Variants in LIFR observed in about 807,000 individuals in gnomAD.
The protein encoded by LIFR is leukemia inhibitory factor receptor.
A neutral mutation model predicts 122.2 loss-of-function variants in LIFR; 84 were observed. That is an observed-to-expected ratio of 0.69 (90% confidence interval 0.58 to 0.82). LIFR has a LOEUF of 0.82. Among genes scored for constraint, LIFR ranks in the 40% least tolerant of loss-of-function variants. The pLI, the probability that LIFR is intolerant of heterozygous loss-of-function variation, is 0.00. For synonymous variants in LIFR, 422 were observed against 434.7 expected, an observed-to-expected ratio of 0.97 and a Z score of 0.36; for missense variants, 1,294 against 1,311.6, an observed-to-expected ratio of 0.99 and a Z score of 0.21.
upstream of LIFR, among the ~76,000 whole-genome samples, chr5:38,598,653 C>T (rs1750167948): frequency 6.6e-6 from 1 of 152,096 alleles, no homozygotes; most frequent in Non-Finnish European, 1.5e-5. Context: ...CCCCTGACAC[C>T]CCTCAAGTGG....
At chr5:38,495,538 A>G (rs988414619) in intron 13 of LIFR, among the ~76,000 whole-genome samples, 6 of 152,200 alleles carry the variant, frequency 3.9e-5, no homozygotes, top group African/African-American at 1.4e-4. Context: ...CAAAGAGAAC[A>G]AAGATGCAGT....
chr5:38,588,974 T>C (rs563868434), intron 1 of LIFR, among the ~76,000 whole-genome samples: 1 of 151,204 alleles, frequency 6.6e-6, no homozygotes, highest in East Asian at 2.0e-4. Context: ...ATTGTACTTC[T>C]ACTTTGAAGA....
chr5:38,539,877 C>A (rs963403287), intron 1 of LIFR, among the ~76,000 whole-genome samples: 31 of 152,230 alleles, frequency 2.0e-4, no homozygotes, highest in African/African-American at 6.5e-4. Flanking sequence ...AGCCACTTTT[C>A]TAAGTTCTTT....
intron 5 of LIFR, among the ~76,000 whole-genome samples, 166 bp from the exon 6 acceptor site, chr5:38,512,130 A>T (rs1288087151): frequency 6.6e-6 from 1 of 152,212 alleles, no homozygotes; most frequent in African/African-American, 2.4e-5. Flanking sequence ...GAGTAACAAT[A>T]ATCATGATTC....
At chr5:38,527,128 A>C (rs771137505) in intron 4 of LIFR, 27 bp downstream of exon 4, 2 of 1,567,480 alleles carry the variant, frequency 1.3e-6, no homozygotes, top group Non-Finnish European at 1.7e-6. Flanking sequence ...ACTTACTTTA[A>C]AATTGAGTTT....
At chr5:38,579,709 T>C (rs1749521100) in intron 1 of LIFR, 1 of 152,234 alleles carries the variant, frequency 6.6e-6, no homozygotes, top group South Asian at 2.1e-4. Flanking sequence ...GACAAAATAC[T>C]GCAACACTTT....
At chr5:38,586,850 A>G (rs538171540) in intron 1 of LIFR, among the ~76,000 whole-genome samples, 15 of 152,264 alleles carry the variant, frequency 9.9e-5, no homozygotes, top group Middle Eastern at 6.8e-3. Context: ...TTTCAGATGA[A>G]TGGGTGCAAA....
At chr5:38,579,500 A>T (rs945865643) in intron 1 of LIFR, 1 of 152,216 alleles carries the variant, frequency 6.6e-6, no homozygotes, top group African/African-American at 2.4e-5. Flanking sequence ...AGGAACTCCT[A>T]CATAATACCC....
intron 1 of LIFR, among the ~76,000 whole-genome samples, chr5:38,532,814 T>C (rs941788176): frequency 6.6e-6 from 1 of 152,204 alleles, no homozygotes; most frequent in African/African-American, 2.4e-5. Context: ...AAGTGATGCT[T>C]GTGAAGCTTT....
chr5:38,528,613 A>G, intron 3 of LIFR, 113 bp downstream of exon 3: 3 of 755,552 alleles, frequency 4.0e-6, no homozygotes, highest in Non-Finnish European at 7.1e-6. Context: ...TCTGCTGGAC[A>G]CAGAACACAA....
In LIFR at chr5:38,522,286, C is replaced by T. The variant is rs1042494019; in HGVS notation, c.561+1133G>A. 3.3e-5 allele frequency among the ~76,000 whole-genome samples: 5 copies of T among 152,170 alleles called. No homozygotes were observed. In the East Asian group the frequency reaches 9.6e-4, roughly 29 times the overall value. ...ATGGAATGCACTTTAGCAGTGGAGC[C>T]ACTGCTGGTGTTCTGCTGGCTGCCT... On this transcript the variant is annotated intron_variant, in intron 5 of 19. Coordinates refer to ENST00000453190, the MANE Select transcript of LIFR (RefSeq NM_001127671.2).
intron 1 of LIFR, among the ~76,000 whole-genome samples, chr5:38,553,792 T>C (rs908385274): frequency 6.6e-6 from 1 of 150,812 alleles, no homozygotes; most frequent in Non-Finnish European, 1.5e-5. Flanking sequence ...AGCTTTATAA[T>C]GTATTAGGCT....
Position 38,492,480 on chromosome 5 carries a change from G to A in LIFR, c.2065+1126C>T, listed in dbSNP as rs1291663032. Among the ~76,000 whole-genome samples the A allele has an allele frequency of 3.3e-5, 5 of 152,308 alleles. No individual in the cohort carries two copies. The East Asian group carries it at 9.7e-4, about 29-fold the overall frequency. ...GGGAGGGGATGGAAGGGAAGGTGCA[G>A]GAAAAGAAGGGTAGCATGTGGCTGG... is the stretch of plus-strand genomic sequence containing the variant. On this transcript the variant is annotated intron_variant, in intron 14 of 19. Coordinates refer to ENST00000453190, the MANE Select transcript of LIFR (RefSeq NM_001127671.2).
At chr5:38,605,282 C>T (rs906326992) in intron 2 of LIFR, among the ~76,000 whole-genome samples, 1 of 152,118 alleles carries the variant, frequency 6.6e-6, no homozygotes, top group Non-Finnish European at 1.5e-5. Flanking sequence ...TCCCATTTTG[C>T]ATAGAGGCAG....
chr5:38,590,443 C>T (rs1214457696), intron 1 of LIFR, among the ~76,000 whole-genome samples: 1 of 152,170 alleles, frequency 6.6e-6, no homozygotes, highest in Non-Finnish European at 1.5e-5. Flanking sequence ...TTGACACTGC[C>T]TCTGTTGTCT....
chr5:38,562,305 C>T (rs758193690), intron 1 of LIFR, among the ~76,000 whole-genome samples: 4 of 152,196 alleles, frequency 2.6e-5, no homozygotes, highest in Non-Finnish European at 5.9e-5. Context: ...CACTTCTTAG[C>T]CATTGAGCCT....
intron 13 of LIFR, among the ~76,000 whole-genome samples, chr5:38,494,152 C>T (rs575826470): frequency 2.0e-5 from 3 of 152,294 alleles, no homozygotes; most frequent in East Asian, 1.9e-4. Flanking sequence ...GGACAGTGGA[C>T]AGTCTGAAGC....
At chr5:38,578,256 G>T (rs1749460267) in intron 1 of LIFR, among the ~76,000 whole-genome samples, 1 of 135,296 alleles carries the variant, frequency 7.4e-6, no homozygotes, top group Non-Finnish European at 1.5e-5. Flanking sequence ...GCCCAGGCTG[G>T]AGTGCAATGG....
At position 38,496,478 on chromosome 5, in the gene LIFR, G is replaced by A. The variant is rs121912501; in HGVS notation, c.1789C>T (p.Arg597Ter). ...ATGATGTAGTCATTCTTATCAAGTCGTATCTCTGCTTTGTGCTGAGGATCA... is the reference window on the plus strand; with the variant it reads ...ATGATGTAGTCATTCTTATCAAGTCATATCTCTGCTTTGTGCTGAGGATCA... The part of the protein sequence containing the change: ...IPDPQHKAEI[R>*]LDKNDYIISV... The change falls in exon 13 of 20, where the codon CGA (arginine) becomes TGA (stop). Residue 597 changes from arginine (R) to a stop codon, truncating the protein, a stop_gained. Transcript: ENST00000453190. LOFTEE classifies it high-confidence loss of function. The A allele has an allele frequency of 2.5e-6, 4 of 1,613,890 alleles. No homozygotes were observed. The highest frequency in any genetic ancestry group is 1.7e-5 in the Admixed American group (1 of 60,016).
Sources: allele counts gnomAD v4.1 joint callset (sites outside exome capture counted in the v4.1 genomes callset), GRCh38; gene constraint gnomAD v4.1.1; transcripts MANE v1.5; gene names NCBI Gene and HGNC (gene_info 2026-07-23, HGNC 2026-07-21).